The following ADAMTSL3 variants were observed in gnomAD, a reference collection of about 807,000 sequenced individuals.
ADAMTSL3 encodes the protein ADAMTS-like protein 3.
A neutral mutation model predicts 201.7 loss-of-function variants in ADAMTSL3; 128 were observed. The ratio of observed to expected loss-of-function variants is 0.63; its 90% CI spans 0.55 to 0.73. The LOEUF is 0.73. ADAMTSL3 is among the 30% of genes least tolerant of loss of function. ADAMTSL3 has a pLI of 0.00. For synonymous variants in ADAMTSL3, 738 were observed against 748.4 expected, an observed-to-expected ratio of 0.99 and a Z score of 0.23; for missense variants, 1,990 against 2,119.6, an observed-to-expected ratio of 0.94 and a Z score of 1.20.
intron 13 of ADAMTSL3, 132 bp from the exon 14 acceptor site, chr15:83,897,726 C>T (rs764482888): frequency 6.2e-5 from 64 of 1,036,724 alleles, no homozygotes; most frequent in Middle Eastern, 2.2e-4. Flanking sequence ...CCCTTCCTTA[C>T]ATAATATTTG....
intron 3 of ADAMTSL3, among the ~76,000 whole-genome samples, chr15:83,723,501 A>G (rs2062130048): frequency 6.6e-6 from 1 of 152,224 alleles, no homozygotes; most frequent in Non-Finnish European, 1.5e-5. Context: ...GCAAAAATAC[A>G]TTGATATTAT....
chr15:83,895,542 G>A (rs1347979589), intron 13 of ADAMTSL3, among the ~76,000 whole-genome samples: 4 of 152,086 alleles, frequency 2.6e-5, no homozygotes, highest in Non-Finnish European at 5.9e-5. Flanking sequence ...TATATTCTCA[G>A]TGATGAGGAT....
intron 15 of ADAMTSL3, among the ~76,000 whole-genome samples, chr15:83,907,495 C>T (rs1035267226): frequency 9.2e-5 from 14 of 152,264 alleles, no homozygotes; most frequent in East Asian, 1.9e-4. Context: ...CACCACCTCC[C>T]GGCTTCAAGC....
chr15:83,808,701 C>T (rs968684800), intron 5 of ADAMTSL3, among the ~76,000 whole-genome samples: 3 of 152,014 alleles, frequency 2.0e-5, no homozygotes, highest in Admixed American at 6.5e-5. Context: ...GCACTATTCA[C>T]AATAGCCAAG....
At chr15:83,876,013 T>G (rs1157004446) in intron 9 of ADAMTSL3, among the ~76,000 whole-genome samples, 1 of 152,124 alleles carries the variant, frequency 6.6e-6, no homozygotes, top group East Asian at 1.9e-4. Flanking sequence ...TATTTTTCTT[T>G]TCGGTGGTAA....
chr15:83,822,130 AC>A (rs1401219204), intron 6 of ADAMTSL3, among the ~76,000 whole-genome samples: 1 of 110,838 alleles, frequency 9.0e-6, no homozygotes, highest in Admixed American at 9.4e-5. Flanking sequence ...CGGGGGGCTG[AC>A]CCCCCCACCT....
At chr15:83,818,135 C>A (rs1037451529) in intron 5 of ADAMTSL3, among the ~76,000 whole-genome samples, 7 of 152,094 alleles carry the variant, frequency 4.6e-5, no homozygotes, top group Non-Finnish European at 1.0e-4. Flanking sequence ...ATGTGCATAA[C>A]CTTGGACTCA....
At position 83,932,693 on chromosome 15, in the gene ADAMTSL3, T is replaced by C. The variant is rs145365185; in HGVS notation, c.2117+8660T>C. Among the ~76,000 whole-genome samples, 78 of 152,290 alleles carry C rather than the reference T, an allele frequency of 5.1e-4. No individual in the cohort carries two copies. In the East Asian group the frequency reaches 0.014, roughly 28 times the overall value. On this transcript the variant is annotated intron_variant, in intron 17 of 29. Transcript: ENST00000286744. ...TATTCACTCTATGTGATCCAAAAAA[T>C]TAATTCATACTGGTCTTGATAGAGG...
chr15:83,709,686 T>TAAC (rs2061906451), intron 3 of ADAMTSL3, among the ~76,000 whole-genome samples: 1 of 152,212 alleles, frequency 6.6e-6, no homozygotes, highest in Non-Finnish European at 1.5e-5. Context: ...TGAAAGCCTG[T>TAAC]GACAAGCACA....
At chr15:84,014,965 TA>T (rs1390481122) in intron 24 of ADAMTSL3, among the ~76,000 whole-genome samples, 1 of 130,650 alleles carries the variant, frequency 7.7e-6, no homozygotes, top group African/African-American at 2.9e-5. Context: ...TTTTTTTTTT[TA>T]AACGGAGTCT....
intron 17 of ADAMTSL3, among the ~76,000 whole-genome samples, chr15:83,931,059 C>T (rs2066346233): frequency 6.6e-6 from 1 of 152,050 alleles, no homozygotes; most frequent in African/African-American, 2.4e-5. Context: ...GGGTTACTCC[C>T]CCTGATCTAT....
chr15:83,838,547 T>C (rs975948305), intron 7 of ADAMTSL3, among the ~76,000 whole-genome samples: 2 of 152,256 alleles, frequency 1.3e-5, no homozygotes, highest in African/African-American at 4.8e-5. Context: ...AATATTGTCA[T>C]GTATCTATTG....
intron 3 of ADAMTSL3, among the ~76,000 whole-genome samples, chr15:83,752,419 A>G (rs561656897): frequency 9.2e-5 from 14 of 152,198 alleles, no homozygotes; most frequent in Non-Finnish European, 1.9e-4. Context: ...AATCTAATAA[A>G]TGATTAATTT....
chr15:83,744,250 C>G (rs2062507395), intron 3 of ADAMTSL3, among the ~76,000 whole-genome samples: 1 of 152,064 alleles, frequency 6.6e-6, no homozygotes, highest in Admixed American at 6.5e-5. Flanking sequence ...CAGGGCTTTG[C>G]TATATAGAGG....
intron 3 of ADAMTSL3, 126 bp from the exon 4 acceptor site, chr15:83,773,397 T>A: frequency 9.4e-7 from 1 of 1,061,036 alleles, no homozygotes; most frequent in East Asian, 2.6e-5. Flanking sequence ...AGATCGAAGC[T>A]CTGTCTCAAT....
At chr15:83,936,205 A>G (rs185111407) in intron 17 of ADAMTSL3, among the ~76,000 whole-genome samples, 34 of 152,030 alleles carry the variant, frequency 2.2e-4, no homozygotes, top group African/African-American at 8.0e-4. Context: ...GAGATTGATT[A>G]ATTAAAGTGC....
At chr15:83,696,009 G>T (rs904271051) in intron 2 of ADAMTSL3, among the ~76,000 whole-genome samples, 1 of 152,154 alleles carries the variant, frequency 6.6e-6, no homozygotes, top group African/African-American at 2.4e-5. Context: ...GCTACAAACT[G>T]TAAAGTCCCA....
intron 6 of ADAMTSL3, among the ~76,000 whole-genome samples, chr15:83,822,124 G>A (rs2063884344): frequency 6.7e-6 from 1 of 148,934 alleles, no homozygotes; most frequent in African/African-American, 2.5e-5. Context: ...GCCGGGCGGG[G>A]GGCTGACCCC....
At chr15:84,016,624 A>C in intron 25 of ADAMTSL3, 125 bp downstream of exon 25, 1 of 803,982 alleles carries the variant, frequency 1.2e-6, no homozygotes, top group Non-Finnish European at 2.0e-6. Context: ...GCATTTGGCC[A>C]GCCTTTTTCT....
Sources: gnomAD v4.1 joint callset for allele counts (sites outside exome capture counted in the v4.1 genomes callset) on GRCh38, gnomAD v4.1.1 for gene constraint, MANE v1.5 for transcripts, NCBI Gene and HGNC (gene_info 2026-07-23, HGNC 2026-07-21) for gene names.